Variants in SDK1 observed in about 807,000 individuals in gnomAD.
SDK1 encodes the protein protein sidekick-1.
SDK1 carries 157 observed loss-of-function variants against 245.5 expected under a neutral mutation model. That is an observed-to-expected ratio of 0.64 (90% CI 0.56 to 0.73). The LOEUF is 0.73. Ranked by LOEUF, SDK1 falls within the 30% of genes least tolerant of loss-of-function variation. The pLI, the probability that SDK1 is intolerant of heterozygous loss-of-function variation, is 0.00. For synonymous variants in SDK1, 1,647 were observed against 1,278.5 expected, an observed-to-expected ratio of 1.29 and a Z score of -6.15; for missense variants, 3,583 against 3,002.3, an observed-to-expected ratio of 1.19 and a Z score of -4.52.
intron 2 of SDK1, among the ~76,000 whole-genome samples, chr7:3,631,303 A>G (rs980900380): frequency 2.6e-5 from 4 of 152,140 alleles, no homozygotes; most frequent in African/African-American, 4.8e-5. Flanking sequence ...AAGAAAGTCT[A>G]TTATATTTAA....
intron 1 of SDK1, among the ~76,000 whole-genome samples, chr7:3,503,794 G>A (rs771895823): frequency 1.2e-4 from 18 of 152,014 alleles, no homozygotes; most frequent in African/African-American, 3.1e-4. Flanking sequence ...TTGTTAAATC[G>A]AAGATGTAAG....
chr7:3,728,077 G>C (rs888352335), intron 4 of SDK1, among the ~76,000 whole-genome samples: 1 of 152,176 alleles, frequency 6.6e-6, no homozygotes, highest in East Asian at 1.9e-4. Context: ...CTCATGGTTA[G>C]ACTGATGATG....
chr7:3,460,315 G>C (rs765454882), intron 1 of SDK1, among the ~76,000 whole-genome samples: 9 of 152,156 alleles, frequency 5.9e-5, no homozygotes, highest in South Asian at 4.1e-4. Context: ...AAAGAAATGA[G>C]TGAGAAGATT....
At chr7:3,320,228 T>A (rs1229494452) in intron 1 of SDK1, among the ~76,000 whole-genome samples, 1 of 151,912 alleles carries the variant, frequency 6.6e-6, no homozygotes, top group African/African-American at 2.4e-5. Flanking sequence ...GAGACCTGAG[T>A]CTCATTTCCA....
At chr7:3,642,401 G>T (rs952004692) in intron 4 of SDK1, among the ~76,000 whole-genome samples, 3 of 152,110 alleles carry the variant, frequency 2.0e-5, no homozygotes, top group East Asian at 1.9e-4. Flanking sequence ...TACTTTTTAA[G>T]ATGTCATTGT....
At chr7:4,097,209 G>A (rs920435303) in intron 22 of SDK1, among the ~76,000 whole-genome samples, 14 of 152,206 alleles carry the variant, frequency 9.2e-5, no homozygotes, top group Non-Finnish European at 8.8e-5. Flanking sequence ...ATGGCAAGAC[G>A]GCCTGGGCCG....
At chr7:3,304,315 A>G (rs1038049456) in intron 1 of SDK1, among the ~76,000 whole-genome samples, 1 of 152,246 alleles carries the variant, frequency 6.6e-6, no homozygotes, top group Non-Finnish European at 1.5e-5. Context: ...GTGGCAACAC[A>G]TGCTTTCTTT....
At chr7:4,245,587 G>T in intron 43 of SDK1, 89 bp from the exon 44 acceptor site, 1 of 1,478,566 alleles carries the variant, frequency 6.8e-7, no homozygotes, top group Non-Finnish European at 9.2e-7. Context: ...TTAGTCCAAC[G>T]CAATAAAGGC....
At chr7:3,944,032 G>A (rs1285837182) in intron 5 of SDK1, among the ~76,000 whole-genome samples, 3 of 152,224 alleles carry the variant, frequency 2.0e-5, no homozygotes, top group Admixed American at 1.3e-4. Context: ...ACGTTCAGTT[G>A]AGAACACTAC....
rs188825926 is a variant in SDK1 at position 3,579,162 on chromosome 7, G to A, written c.299-39918G>A. ...ACTATTCCAATAAATTGAGGAGGAG[G>A]GATTCCTCCCCAAGTCATTCTATAA... On this transcript the variant is annotated intron_variant, in intron 1 of 44. Transcript: ENST00000404826. Among the ~76,000 whole-genome samples the A allele has an allele frequency of 2.4e-3, 370 of 151,980 alleles. 8 individuals are homozygous for A. The highest frequency in any genetic ancestry group is 0.017 in the South Asian group (82 of 4,794).
At chr7:3,969,589 T>C (rs1386440497) in intron 11 of SDK1, among the ~76,000 whole-genome samples, 165 bp downstream of exon 11, 1 of 152,204 alleles carries the variant, frequency 6.6e-6, no homozygotes, top group East Asian at 1.9e-4. Context: ...AAATTAAATT[T>C]TCAATGTCTA....
intron 14 of SDK1, among the ~76,000 whole-genome samples, chr7:3,988,076 G>C (rs1784010933): frequency 6.6e-6 from 1 of 151,526 alleles, no homozygotes; most frequent in Admixed American, 6.6e-5. Context: ...ATCTGTATCG[G>C]GTTGTCTCAC....
chr7:3,952,868 A>G (rs529165210), intron 7 of SDK1, among the ~76,000 whole-genome samples: 2 of 152,268 alleles, frequency 1.3e-5, no homozygotes, highest in East Asian at 1.9e-4. Context: ...AAAACCTATT[A>G]TCAGTTTATG....
At position 4,262,953 on chromosome 7, in the gene SDK1, C is replaced by T. The variant is rs193015532; in HGVS notation, c.6382-2171C>T. On this transcript the variant is annotated intron_variant, in intron 44 of 44. Transcript: ENST00000404826. ...CTCCCCTCCCTTCTACCTCATCACCCACCACCCCCTTCCCTCCCCGCCACC... is the reference window on the plus strand; with the variant it reads ...CTCCCCTCCCTTCTACCTCATCACCTACCACCCCCTTCCCTCCCCGCCACC... Among the ~76,000 whole-genome samples the T allele has an allele frequency of 6.1e-3, 18 of 2,948 alleles. 1 individual carries two copies. Among genetic ancestry groups the T allele is most frequent in the East Asian group, 0.023 (5 of 214 alleles). 1.9% of individuals were successfully genotyped at this position (2,948 alleles called of 152,430 possible).
At chr7:3,513,568 A>T (rs1410266920) in intron 1 of SDK1, among the ~76,000 whole-genome samples, 2 of 152,338 alleles carry the variant, frequency 1.3e-5, no homozygotes, top group East Asian at 3.9e-4. Flanking sequence ...GAAAATATCC[A>T]TATTTAAATT....
intron 14 of SDK1, among the ~76,000 whole-genome samples, chr7:4,004,073 C>T (rs901246383): frequency 6.6e-6 from 1 of 152,192 alleles, no homozygotes; most frequent in Non-Finnish European, 1.5e-5. Flanking sequence ...ATCATTTTAT[C>T]CCCCTCAAGG....
In SDK1 at chr7:3,959,161, A is replaced by G. The variant is rs1329792888; in HGVS notation, c.1234+147A>G. ...TCAGAGAGTAGATCGGTCTTGGGGCAGTGACTGTGGGTAAGGCATTTGACT... is the reference window on the plus strand; with the variant it reads ...TCAGAGAGTAGATCGGTCTTGGGGCGGTGACTGTGGGTAAGGCATTTGACT... On this transcript the variant is annotated intron_variant, in intron 8 of 44. Transcript: ENST00000404826. 7 of 677,466 alleles carry G rather than the reference A, an allele frequency of 1.0e-5. No individual in the cohort carries two copies. The Admixed American group carries it at 1.3e-4, about 12-fold the overall frequency. The allele number at this position is 677,466 out of a possible 1,614,324, so 42.0% of individuals were successfully genotyped here.
At chr7:3,815,414 A>G (rs1779482512) in intron 4 of SDK1, among the ~76,000 whole-genome samples, 1 of 146,086 alleles carries the variant, frequency 6.8e-6, no homozygotes, top group South Asian at 2.3e-4. Flanking sequence ...GCTGGATTAC[A>G]TTTATTGATT....
intron 4 of SDK1, among the ~76,000 whole-genome samples, chr7:3,675,747 A>G (rs1228916599): frequency 1.3e-5 from 2 of 152,058 alleles, no homozygotes; most frequent in African/African-American, 4.8e-5. Context: ...CAGGCTGGTT[A>G]TGAATTCCTG....
Sources: gnomAD v4.1 joint callset for allele counts (sites outside exome capture counted in the v4.1 genomes callset) on GRCh38, gnomAD v4.1.1 for gene constraint, MANE v1.5 for transcripts, NCBI Gene and HGNC (gene_info 2026-07-23, HGNC 2026-07-21) for gene names.